Variants in ZNF813 observed in about 807,000 individuals in gnomAD.
ZNF813 encodes zinc finger protein 813.
Under a neutral mutation model 7.2 loss-of-function variants are expected in ZNF813, and 3 were observed. That is an observed-to-expected ratio of 0.42 (90% CI 0.19 to 1.08). ZNF813 has a LOEUF of 1.08. ZNF813 is among the 50% of genes least tolerant of loss of function. ZNF813 has a pLI of 0.30. For missense variants in ZNF813, 714 were observed against 753.3 expected (o/e 0.95, Z 0.61); for synonymous variants, 227 against 256.3 (o/e 0.89, Z 1.09).
intron 2 of ZNF813, among the ~76,000 whole-genome samples, chr19:53,486,377 G>A (rs2086433885): frequency 6.6e-6 from 1 of 151,788 alleles, no homozygotes; most frequent in Non-Finnish European, 1.5e-5. Context: ...ATCCTGGGAG[G>A]TGGAGGTTGC....
In ZNF813 at chr19:53,492,403, A is replaced by T. The variant is rs2086468457; in HGVS notation, c.*317A>T. The T allele has an allele frequency of 1.1e-5, 5 of 475,876 alleles. No homozygotes were observed. The highest frequency in any genetic ancestry group is 1.9e-5 in the Non-Finnish European group (5 of 257,064). 29.5% of individuals were successfully genotyped at this position (475,876 alleles called of 1,614,324 possible). A position where few individuals can be genotyped will look rare whatever the true frequency, so the allele number is the denominator to read the frequency against. On this transcript the variant is annotated 3_prime_UTR_variant, in exon 4 of 4. Coordinates refer to ENST00000396403, the MANE Select transcript of ZNF813 (RefSeq NM_001004301.4). ...AGGTGAAGAATATCACAGAGTTTTC[A>T]GTCACAAGTCAAACCTTGAAAGACA...
chr19:53,471,167 G>T (rs1294670030), intron 1 of ZNF813, among the ~76,000 whole-genome samples: 2 of 151,916 alleles, frequency 1.3e-5, no homozygotes. Flanking sequence ...TCTCCCTGTT[G>T]CAGTGGGAGT....
Position 53,492,240 on chromosome 19 carries a change from C to T in ZNF813, c.*154C>T. On this transcript the variant is annotated 3_prime_UTR_variant, in exon 4 of 4. Coordinates refer to ENST00000396403, the MANE Select transcript of ZNF813 (RefSeq NM_001004301.4). ...TAATGAACGTTGCAAAATTTTTAAT[C>T]AACAAGCACACCTTCCACGTCATCA... 3 of 1,074,410 alleles carry T rather than the reference C, an allele frequency of 2.8e-6. No individual in the cohort carries two copies. Among genetic ancestry groups the T allele is most frequent in the Middle Eastern group, 2.1e-4 (1 of 4,698 alleles). 66.6% of individuals were successfully genotyped at this position (1,074,410 alleles called of 1,614,324 possible). A position where few individuals can be genotyped will look rare whatever the true frequency, so the allele number is the denominator to read the frequency against.
intron 1 of ZNF813, among the ~76,000 whole-genome samples, chr19:53,470,062 A>G (rs1205148324): frequency 1.3e-5 from 2 of 152,122 alleles, no homozygotes; most frequent in South Asian, 2.1e-4. Context: ...ATAGCATAGC[A>G]TAACTTGTGG....
chr19:53,484,030 G>T (rs1444354029), intron 2 of ZNF813, among the ~76,000 whole-genome samples, 193 bp downstream of exon 2: 1 of 152,096 alleles, frequency 6.6e-6, no homozygotes, highest in African/African-American at 2.4e-5. Context: ...AACTTGGGAA[G>T]AGGCTGCACT....
intron 1 of ZNF813, among the ~76,000 whole-genome samples, chr19:53,469,159 C>G (rs1172466258): frequency 1.3e-5 from 2 of 152,202 alleles, no homozygotes; most frequent in Non-Finnish European, 2.9e-5. Flanking sequence ...AACCTTGATT[C>G]AATACAGCAC....
Position 53,486,754 on chromosome 19 carries a change from C to G in ZNF813, c.138C>G (p.Ser46=), listed in dbSNP as rs778057790. 3 of 1,613,638 alleles carry G rather than the reference C, an allele frequency of 1.9e-6. No homozygotes were observed. Among genetic ancestry groups the G allele is most frequent in the Non-Finnish European group, 2.5e-6 (3 of 1,179,904 alleles). ...TGGAGAATTATAGGAACCTGGTCTC[C>G]CTGGGTGAGGATAACTTCCCTCCAG... ...VMLENYRNLV[S]LDISSKCMMK... Residue 46 remains serine (S), a synonymous_variant, in exon 3 of 4, where the codon TCC becomes TCG. Transcript: ENST00000396403.
chr19:53,483,813 G>A lies in ZNF813; in HGVS notation c.-10G>A, dbSNP rs2086420620. ...CCTGGAAGAGGAAGAGGAAAGCAAA[G>A]GAGTCAGGGATGGCTCTTCCTCAGG... On this transcript the variant is annotated 5_prime_UTR_variant, in exon 2 of 4. Transcript: ENST00000396403. 2 of 1,613,576 alleles carry A rather than the reference G, an allele frequency of 1.2e-6. No individual in the cohort carries two copies. Among genetic ancestry groups the A allele is most frequent in the Admixed American group, 3.3e-5 (2 of 60,016 alleles).
chr19:53,468,237 C>T (rs2086338012), intron 1 of ZNF813, among the ~76,000 whole-genome samples: 1 of 146,818 alleles, frequency 6.8e-6, no homozygotes, highest in Non-Finnish European at 1.5e-5. Flanking sequence ...CCCCCCACCT[C>T]CCTCCTCCTG....
At position 53,492,936 on chromosome 19, in the gene ZNF813, TG is replaced by T. The variant is rs2086470745; in HGVS notation, c.*851del. On this transcript the variant is annotated 3_prime_UTR_variant, in exon 4 of 4. Transcript: ENST00000396403. ...TCACACCTCCTTAGACATCAGAGAATGCACACTGGACGGAAATCTTACAAAT... is the reference window on the plus strand; with the variant it reads ...TCACACCTCCTTAGACATCAGAGAATCACACTGGACGGAAATCTTACAAAT... 6.2e-6 allele frequency: 3 copies of T among 480,444 alleles called. No individual in the cohort carries two copies. Among genetic ancestry groups the T allele is most frequent in the Non-Finnish European group, 1.3e-5 (3 of 234,146 alleles). The allele number at this position is 480,444 out of a possible 1,614,324, so 29.8% of individuals were successfully genotyped here.
At chr19:53,468,927 T>TG (rs36071632) in intron 1 of ZNF813, among the ~76,000 whole-genome samples, 30,570 of 151,986 alleles carry the variant, frequency 0.2, 3,162 homozygotes, top group Admixed American at 0.22. Context: ...GGCTGGGGGA[T>TG]GTAAGGTCTT....
rs2086456175 is a variant in ZNF813, at chr19:53,490,747, C to T, written c.515C>T (p.Ser172Phe). Residue 172 changes from serine (S) to phenylalanine (F), a missense_variant, in exon 4 of 4, where the codon TCC becomes TTC. By Grantham distance (155) the Ser-to-Phe change is radical. Transcript: ENST00000396403. The part of the protein sequence containing the change: ...NQVEKSINDA[S>F]SISTSQRISC... ...GTGGAGAAGTCTATCAACGATGCTT[C>T]CTCAATTTCAACATCCCAAAGAATT... is the stretch of plus-strand genomic sequence containing the variant. The T allele has an allele frequency of 3.7e-6, 6 of 1,614,182 alleles. No homozygotes were observed. The highest frequency in any genetic ancestry group is 5.1e-6 in the Non-Finnish European group (6 of 1,180,030).
chr19:53,473,941 T>C (rs2147154999), intron 1 of ZNF813, among the ~76,000 whole-genome samples: 1 of 152,340 alleles, frequency 6.6e-6, no homozygotes, highest in Non-Finnish European at 1.5e-5. Flanking sequence ...GCAGTATTTC[T>C]TCAGTAGCTG....
chr19:53,491,039 A>G lies in ZNF813; in HGVS notation c.807A>G (p.Lys269=). 6.2e-7 allele frequency: 1 copy of G among 1,614,162 alleles called. No individual in the cohort carries two copies. The highest frequency in any genetic ancestry group is 8.5e-7 in the Non-Finnish European group (1 of 1,180,016). Residue 269 remains lysine (K), a synonymous_variant, in exon 4 of 4, where the codon AAA becomes AAG. Coordinates refer to ENST00000396403, the MANE Select transcript of ZNF813 (RefSeq NM_001004301.4). The part of the protein sequence containing the change: ...VCHRRCHTGE[K]PYRCNECGKT... The stretch of plus-strand genomic sequence containing the variant: ...ATCGTAGATGTCACACTGGGGAGAA[A>G]CCTTACAGGTGTAATGAGTGTGGCA...
chr19:53,473,538 T>C (rs1206742784), intron 1 of ZNF813, among the ~76,000 whole-genome samples: 1 of 152,218 alleles, frequency 6.6e-6, no homozygotes, highest in Non-Finnish European at 1.5e-5. Flanking sequence ...GTGGTGGATC[T>C]ACGGCATGAT....
chr19:53,467,855 G>T (rs2086335014), intron 1 of ZNF813, 66 bp downstream of exon 1: 2 of 153,106 alleles, frequency 1.3e-5, no homozygotes, highest in Admixed American at 1.3e-4. Flanking sequence ...TGTACCTGGG[G>T]CGTGGGGTCC....
chr19:53,480,648 G>A (rs1342514953), intron 1 of ZNF813, among the ~76,000 whole-genome samples: 1 of 152,200 alleles, frequency 6.6e-6, no homozygotes, highest in East Asian at 1.9e-4. Flanking sequence ...AAAGATGTCA[G>A]TGACCTTTTA....
chr19:53,479,743 G>T, intron 1 of ZNF813: 1 of 1,264,062 alleles, frequency 7.9e-7, no homozygotes, highest in Non-Finnish European at 1.1e-6. Context: ...CTCGTAAGTT[G>T]GTGATCATTG....
At chr19:53,471,109 CT>C (rs1025655165) in intron 1 of ZNF813, among the ~76,000 whole-genome samples, 2 of 152,118 alleles carry the variant, frequency 1.3e-5, no homozygotes, top group Non-Finnish European at 2.9e-5. Context: ...GTCTATATCT[CT>C]TTTGTTTTTT....
Sources: allele counts gnomAD v4.1 joint callset (sites outside exome capture counted in the v4.1 genomes callset), GRCh38; gene constraint gnomAD v4.1.1; transcripts MANE v1.5; gene names NCBI Gene and HGNC (gene_info 2026-07-23, HGNC 2026-07-21).